NUP160: variants seen among roughly 807,000 people sequenced by gnomAD.
NUP160 encodes the protein nuclear pore complex protein Nup160.
Under a neutral mutation model 196.9 loss-of-function variants are expected in NUP160, and 94 were observed. That is an observed-to-expected ratio of 0.48 (90% CI 0.40 to 0.57). The LOEUF (loss-of-function observed/expected upper bound fraction) is 0.57, where lower values mean the gene tolerates loss of function less well. NUP160 is among the 20% of genes least tolerant of loss of function. The pLI is 0.00. For synonymous variants in NUP160, 605 were observed against 619.7 expected (o/e 0.98, Z 0.35); for missense variants, 1,638 against 1,748.3 (o/e 0.94, Z 1.13).
intron 33 of NUP160, 80 bp from the exon 34 acceptor site, chr11:47,783,278 T>G: frequency 2.7e-6 from 4 of 1,496,888 alleles, no homozygotes; most frequent in South Asian, 2.6e-5. Flanking sequence ...GAGTGGCTGA[T>G]TCCCTAACAT....
chr11:47,838,354 C>G (rs1473231531), intron 4 of NUP160, among the ~76,000 whole-genome samples: 1 of 152,136 alleles, frequency 6.6e-6, no homozygotes, highest in Non-Finnish European at 1.5e-5. Flanking sequence ...GTGGGTCACT[C>G]TAGGCCAGTG....
chr11:47,793,022 T>C (rs1200537967), intron 27 of NUP160, 76 bp from the exon 28 acceptor site: 1 of 1,341,496 alleles, frequency 7.5e-7, no homozygotes, highest in Non-Finnish European at 1.0e-6. Context: ...AGTCTTGCTC[T>C]GTCGCCCAGG....
chr11:47,786,385 A>G, intron 32 of NUP160, 68 bp downstream of exon 32: 2 of 934,486 alleles, frequency 2.1e-6, no homozygotes. Flanking sequence ...AGGACAATTT[A>G]GTCAGAGAAA....
intron 13 of NUP160, 26 bp from the exon 14 acceptor site, chr11:47,813,441 A>AT (rs1565198594): frequency 2.0e-6 from 3 of 1,475,204 alleles, no homozygotes; most frequent in Non-Finnish European, 2.8e-6. Context: ...TTCCAGTTAC[A>AT]TTTTTGTCAG....
At chr11:47,839,881 C>A in exon 4 of NUP160, 1 of 1,614,088 alleles carries the variant, frequency 6.2e-7, no homozygotes, top group Non-Finnish European at 8.5e-7. Flanking sequence ...AACAAAGATT[C>A]CCCCAGAAGC....
intron 32 of NUP160, 40 bp from the exon 33 acceptor site, chr11:47,785,103 T>TTTTTTTTTTTTTTTTTTTTTG: frequency 1.8e-6 from 2 of 1,086,548 alleles, no homozygotes; most frequent in Non-Finnish European, 1.3e-6. Flanking sequence ...TTCAGATTCT[T>TTTTTTTTTTTTTTTTTTTTTG]AATAGCTATT....
At chr11:47,797,162 T>C (rs946501682) in intron 27 of NUP160, among the ~76,000 whole-genome samples, 17 of 152,232 alleles carry the variant, frequency 1.1e-4, no homozygotes, top group African/African-American at 3.9e-4. Flanking sequence ...GGGAGAAGGC[T>C]AATGGTGAAA....
chr11:47,848,539 A>T, upstream of NUP160: 2 of 818,430 alleles, frequency 2.4e-6, no homozygotes, highest in South Asian at 3.6e-5. Context: ...TATCTGCGGG[A>T]ACCTTCCAGT....
chr11:47,819,310 C>T (rs1805900445), intron 10 of NUP160, 64 bp downstream of exon 10: 6 of 1,127,116 alleles, frequency 5.3e-6, no homozygotes, highest in Non-Finnish European at 7.8e-6. Flanking sequence ...GAGACTCTGT[C>T]TCAAAAAAAA....
chr11:47,848,531 T>C (rs1852456082), upstream of NUP160: 1 of 875,156 alleles, frequency 1.1e-6, no homozygotes, highest in South Asian at 1.8e-5. Flanking sequence ...GCAGACTCTA[T>C]CTGCGGGAAC....
Position 47,824,008 on chromosome 11 carries a change from CATATATATATATATATAT to C in NUP160, c.1102-1862_1102-1845del, listed in dbSNP as rs58246222. On this transcript the variant is annotated intron_variant, in intron 7 of 35. Transcript: ENST00000378460. Reference sequence around the variant, plus strand: ...TGAGACCCTGCTTTCAATTCTTTTGCATATATATATATATATATATATATATATATATATATATATATA... The same window carrying C: ...TGAGACCCTGCTTTCAATTCTTTTGCATATATATATATATATATATATATA... 1.4e-3 allele frequency among the ~76,000 whole-genome samples: 99 copies of C among 73,124 alleles called. 1 individual carries two copies. The highest frequency in any genetic ancestry group is 2.0e-3 in the African/African-American group (32 of 15,998). 48.0% of individuals were successfully genotyped at this position (73,124 alleles called of 152,430 possible).
In NUP160 at chr11:47,808,387, GA is replaced by G; in HGVS notation, c.2375+8del. On this transcript the variant is annotated splice_region_variant and intron_variant, in intron 18 of 35. Transcript: ENST00000378460. Reference sequence around the variant, plus strand: ...TTACATTTTAAATAATTGGGATAATGAAACTCACAGTGTGTCAAGTGGAACA... The same window carrying G: ...TTACATTTTAAATAATTGGGATAATGAACTCACAGTGTGTCAAGTGGAACA... The G allele has an allele frequency of 6.2e-7, 1 of 1,604,018 alleles. No homozygotes were observed. Among genetic ancestry groups the G allele is most frequent in the Non-Finnish European group, 8.5e-7 (1 of 1,175,150 alleles).
chr11:47,811,949 G>A (rs1599325382), intron 17 of NUP160, 115 bp downstream of exon 17: 2 of 826,206 alleles, frequency 2.4e-6, no homozygotes, highest in East Asian at 5.2e-5. Flanking sequence ...GGAGAATAAA[G>A]CAGTGAACCA....
At chr11:47,790,810 A>G (rs1480185465) in intron 29 of NUP160, among the ~76,000 whole-genome samples, 4 of 152,174 alleles carry the variant, frequency 2.6e-5, no homozygotes, top group Non-Finnish European at 4.4e-5. Context: ...GATTTTCCTT[A>G]ATGGTGTCTG....
chr11:47,819,325 A>AG (rs1565201169), intron 10 of NUP160, 49 bp downstream of exon 10: 1 of 1,378,988 alleles, frequency 7.3e-7, no homozygotes, highest in Non-Finnish European at 1.0e-6. Context: ...AAAAAAAAAA[A>AG]AGATCAAAGT....
intron 8 of NUP160, 103 bp from the exon 9 acceptor site, chr11:47,821,924 A>T: frequency 9.6e-7 from 1 of 1,043,606 alleles, no homozygotes; most frequent in Non-Finnish European, 1.5e-6. Flanking sequence ...TATGAAAACA[A>T]AACATGGTAC....
intron 17 of NUP160, 51 bp downstream of exon 17, chr11:47,812,013 G>T: frequency 6.4e-7 from 1 of 1,570,518 alleles, no homozygotes; most frequent in African/African-American, 1.4e-5. Flanking sequence ...AGTGCTTGTA[G>T]GCCTATAACA....
rs1415357081 is a variant in NUP160 at position 47,804,682 on chromosome 11, ATCAAAT to A, written c.2607-70_2607-65del. On this transcript the variant is annotated intron_variant, in intron 20 of 35. Coordinates refer to ENST00000378460, the Ensembl canonical transcript of NUP160. ...CAAATCTTAAACATATACATTGGGC[ATCAAAT>A]TCAGAAAAGTCCATAAAATAGCTTA... The A allele has an allele frequency of 2.7e-6, 3 of 1,108,996 alleles. No homozygotes were observed. In the African/African-American group the frequency reaches 4.9e-5, roughly 18 times the overall value. 68.7% of individuals were successfully genotyped at this position (1,108,996 alleles called of 1,614,324 possible). A position where few individuals can be genotyped will look rare whatever the true frequency, so the allele number is the denominator to read the frequency against.
chr11:47,783,793 T>C (rs1367251242), intron 33 of NUP160, among the ~76,000 whole-genome samples: 2 of 152,078 alleles, frequency 1.3e-5, no homozygotes, highest in African/African-American at 4.8e-5. Context: ...TGGTGCAACC[T>C]CAGATCACTG....
Sources: gnomAD v4.1 joint callset for allele counts (sites outside exome capture counted in the v4.1 genomes callset) on GRCh38, gnomAD v4.1.1 for gene constraint, MANE v1.5 for transcripts, NCBI Gene and HGNC (gene_info 2026-07-23, HGNC 2026-07-21) for gene names.